Variants in SOX5 observed in about 807,000 individuals in gnomAD.
SOX5 encodes SRY-box transcription factor 5.
Under a neutral mutation model 92.0 loss-of-function variants are expected in SOX5, and 9 were observed. The observed-to-expected ratio is 0.10, with a 90% CI of 0.06 to 0.17. The LOEUF (loss-of-function observed/expected upper bound fraction) is 0.17. Among genes scored for constraint, SOX5 ranks in the 10% least tolerant of loss-of-function variants. SOX5 has a pLI of 1.00. For synonymous variants in SOX5, 344 were observed against 336.3 expected, an observed-to-expected ratio of 1.02 and a Z score of -0.25; for missense variants, 642 against 944.5, an observed-to-expected ratio of 0.68 and a Z score of 4.20.
intron 4 of SOX5, among the ~76,000 whole-genome samples, chr12:24,119,930 G>A (rs1221826717): frequency 6.6e-6 from 1 of 152,104 alleles, no homozygotes; most frequent in African/African-American, 2.4e-5. Flanking sequence ...ACAGTATATA[G>A]TATTTTGTGT....
In SOX5 at chr12:23,531,132, C is replaced by T. The variant is rs193088518; in HGVS notation, c.*3087G>A. The stretch of plus-strand genomic sequence containing the variant: ...TTCAACATTAATATAACTATTTTTG[C>T]TTTTGTTTTCTTTTGGGGAAAACTA... On this transcript the variant is annotated 3_prime_UTR_variant, in exon 15 of 15. Transcript: ENST00000451604. 27 of 152,110 alleles carry T rather than the reference C, an allele frequency of 1.8e-4. No homozygotes were observed. The highest frequency in any genetic ancestry group is 7.9e-4 in the Admixed American group (12 of 15,276). The allele number at this position is 152,110 out of a possible 1,614,324, so 9.4% of individuals were successfully genotyped here.
chr12:24,356,876 T>A (rs1334196564), intron 2 of SOX5, among the ~76,000 whole-genome samples: 1 of 152,234 alleles, frequency 6.6e-6, no homozygotes, highest in Admixed American at 6.5e-5. Flanking sequence ...ATCGGTTACA[T>A]GTTATATCTT....
chr12:24,201,678 A>C (rs76809732), intron 4 of SOX5, among the ~76,000 whole-genome samples: 2,010 of 152,260 alleles, frequency 0.013, 42 homozygotes, highest in African/African-American at 0.046. Context: ...TAGTCCTTTA[A>C]TGTTGTCACA....
At chr12:23,935,399 G>A (rs1420971403) in intron 1 of SOX5, among the ~76,000 whole-genome samples, 2 of 151,244 alleles carry the variant, frequency 1.3e-5, no homozygotes, top group Non-Finnish European at 3.0e-5. Flanking sequence ...ACTGTAAAGA[G>A]GCTTTCTGCC....
At chr12:23,766,084 T>C (rs907345339) in intron 3 of SOX5, among the ~76,000 whole-genome samples, 2 of 152,172 alleles carry the variant, frequency 1.3e-5, no homozygotes, top group East Asian at 1.9e-4. Flanking sequence ...AATTAGTGAA[T>C]AGTAAATAAA....
intron 2 of SOX5, among the ~76,000 whole-genome samples, chr12:24,310,097 AG>A (rs1949022245): frequency 6.6e-6 from 1 of 152,212 alleles, no homozygotes. Flanking sequence ...GGATGTTTAA[AG>A]GCCACTTATA....
rs188753918 is a variant in SOX5, at chr12:23,923,034, C to T, written c.38+26530G>A. 7.1e-3 allele frequency among the ~76,000 whole-genome samples: 1,085 copies of T among 152,022 alleles called. 8 individuals carry two copies. The highest frequency in any genetic ancestry group is 0.025 in the African/African-American group (1,040 of 41,476). ...CATCTCGGCTCACTGCAAGCTCCGC[C>T]TCCTGGGTTCCCGCCATTCTCCTGC... On this transcript the variant is annotated intron_variant, in intron 1 of 14. Transcript: ENST00000451604.
intron 2 of SOX5, among the ~76,000 whole-genome samples, chr12:24,307,278 G>T (rs4963751): frequency 0.84 from 128,209 of 152,102 alleles, 54,770 homozygotes; most frequent in East Asian, 0.93. Flanking sequence ...GAGATTCAGG[G>T]ATTTAGTCAA....
intron 8 of SOX5, among the ~76,000 whole-genome samples, chr12:23,609,099 A>C (rs1002705913): frequency 2.0e-5 from 3 of 152,152 alleles, no homozygotes; most frequent in African/African-American, 7.2e-5. Flanking sequence ...CATTCTAGGA[A>C]GGCAGTACAA....
intron 1 of SOX5, among the ~76,000 whole-genome samples, chr12:24,429,370 T>C (rs1025803590): frequency 6.5e-4 from 99 of 151,844 alleles, no homozygotes; most frequent in African/African-American, 2.2e-3. Flanking sequence ...AAAAAAGGTG[T>C]TGGAATAGTA....
chr12:23,603,000 A>G (rs1026401022), intron 9 of SOX5, among the ~76,000 whole-genome samples: 6 of 152,094 alleles, frequency 3.9e-5, no homozygotes, highest in African/African-American at 1.4e-4. Context: ...CCTACTGTCA[A>G]TGTAGTGTGT....
chr12:23,734,011 T>G (rs979807448), intron 6 of SOX5, among the ~76,000 whole-genome samples: 1 of 152,194 alleles, frequency 6.6e-6, no homozygotes, highest in African/African-American at 2.4e-5. Context: ...AAGTAAATTG[T>G]CAGAAGGGAA....
Position 24,006,009 on chromosome 12 carries a change from C to A in SOX5, c.-1-109985G>T, listed in dbSNP as rs1476970664. Among the ~76,000 whole-genome samples the A allele has an allele frequency of 3.9e-5, 6 of 152,214 alleles. No individual in the cohort carries two copies. In the East Asian group the frequency reaches 1.2e-3, roughly 29 times the overall value. On this transcript the variant is annotated intron_variant, in intron 4 of 4. Coordinates refer to the SOX5 transcript ENST00000446891. ...ACGTAGAATAGTTTTTGCATTGATACCCAATCTTATTCATTCGTTCAGCTA... is the reference window on the plus strand; with the variant it reads ...ACGTAGAATAGTTTTTGCATTGATAACCAATCTTATTCATTCGTTCAGCTA...
intron 2 of SOX5, among the ~76,000 whole-genome samples, chr12:24,299,973 C>G (rs1296839547): frequency 6.6e-6 from 1 of 152,176 alleles, no homozygotes; most frequent in Non-Finnish European, 1.5e-5. Context: ...AAATAAAATT[C>G]TGGAGGCATT....
At chr12:23,717,726 C>T (rs1320723730) in intron 6 of SOX5, among the ~76,000 whole-genome samples, 1 of 152,178 alleles carries the variant, frequency 6.6e-6, no homozygotes, top group Non-Finnish European at 1.5e-5. Flanking sequence ...CGGAATAAAA[C>T]TTAACTGTGG....
chr12:24,271,469 T>G (rs1283526676), intron 3 of SOX5, among the ~76,000 whole-genome samples: 1 of 152,220 alleles, frequency 6.6e-6, no homozygotes, highest in Non-Finnish European at 1.5e-5. Flanking sequence ...CTCTAGGTCC[T>G]GTTTTTCACT....
At chr12:23,634,864 C>G (rs1421949198) in intron 8 of SOX5, among the ~76,000 whole-genome samples, 1 of 151,944 alleles carries the variant, frequency 6.6e-6, no homozygotes, top group East Asian at 1.9e-4. Flanking sequence ...TATTATAAAG[C>G]AAGATAGCTA....
At chr12:23,825,874 T>C (rs1440322474) in intron 3 of SOX5, among the ~76,000 whole-genome samples, 1 of 152,242 alleles carries the variant, frequency 6.6e-6, no homozygotes, top group Middle Eastern at 3.4e-3. Flanking sequence ...AGAAAAAAAA[T>C]CTGGCAAAAA....
At position 24,529,945 on chromosome 12, in the gene SOX5, G is replaced by A. The variant is rs537847329; in HGVS notation, c.-251+32384C>T. On this transcript the variant is annotated intron_variant, in intron 1 of 4. Transcript: ENST00000446891. ...TGAGGCAGGAGAATGGCGTGAACCCGGGAGGCAGAGCTTGCAGTGAGCTGA... is the reference window on the plus strand; with the variant it reads ...TGAGGCAGGAGAATGGCGTGAACCCAGGAGGCAGAGCTTGCAGTGAGCTGA... Among the ~76,000 whole-genome samples, 151 of 150,748 alleles carry A rather than the reference G, an allele frequency of 1.0e-3. 1 individual carries two copies. The highest frequency in any genetic ancestry group is 2.7e-3 in the Admixed American group (41 of 15,126).
Sources: allele counts gnomAD v4.1 joint callset (sites outside exome capture counted in the v4.1 genomes callset), GRCh38; gene constraint gnomAD v4.1.1; transcripts MANE v1.5; gene names NCBI Gene and HGNC (gene_info 2026-07-23, HGNC 2026-07-21).